PRKG1: variants seen among roughly 807,000 people sequenced by gnomAD.
PRKG1 encodes cGMP-dependent protein kinase 1.
In PRKG1, 35 loss-of-function variants were observed where a neutral mutation model predicts 88.1. The observed-to-expected ratio is 0.40, with a 90% CI of 0.30 to 0.53. The LOEUF (loss-of-function observed/expected upper bound fraction) is 0.53. Ranked by LOEUF, PRKG1 falls within the 20% of genes least tolerant of loss-of-function variation. The pLI, the probability that PRKG1 is intolerant of heterozygous loss-of-function variation, is 0.59. For synonymous variants in PRKG1, 303 were observed against 292.5 expected (o/e 1.04, Z -0.37); for missense variants, 540 against 839.8 (o/e 0.64, Z 4.41).
At chr10:52,091,216 C>T (rs1453226893) in intron 7 of PRKG1, among the ~76,000 whole-genome samples, 3 of 152,126 alleles carry the variant, frequency 2.0e-5, no homozygotes, top group Non-Finnish European at 4.4e-5. Flanking sequence ...TTGAGGCCCC[C>T]CTTTTCTTGT....
intron 7 of PRKG1, 48 bp from the exon 8 acceptor site, chr10:52,133,792 T>G (rs377211717): frequency 3.4e-6 from 5 of 1,491,684 alleles, no homozygotes; most frequent in Non-Finnish European, 4.7e-6. Context: ...GACACTGTGC[T>G]TTGATATTAA....
intron 7 of PRKG1, among the ~76,000 whole-genome samples, chr10:52,123,338 A>T (rs1046821681): frequency 6.6e-6 from 1 of 152,166 alleles, no homozygotes; most frequent in Non-Finnish European, 1.5e-5. Flanking sequence ...GACCAGGAAG[A>T]ATAAACCTTG....
intron 3 of PRKG1, among the ~76,000 whole-genome samples, chr10:51,553,118 T>C (rs1837183228): frequency 6.6e-6 from 1 of 151,686 alleles, no homozygotes. Flanking sequence ...CTGAACTTTG[T>C]TTAAAGTTGA....
intron 1 of PRKG1, among the ~76,000 whole-genome samples, chr10:51,060,881 C>T (rs1178036690): frequency 2.0e-5 from 3 of 152,010 alleles, no homozygotes; most frequent in African/African-American, 4.8e-5. Flanking sequence ...TAGAATTCTT[C>T]GTTGTCAGAT....
chr10:51,232,817 C>T (rs1407797653), intron 2 of PRKG1, among the ~76,000 whole-genome samples: 9 of 152,254 alleles, frequency 5.9e-5, no homozygotes, highest in Non-Finnish European at 8.8e-5. Flanking sequence ...TCAACCTGCC[C>T]CTACCTTGGC....
At chr10:51,793,967 T>C (rs962483515) in intron 3 of PRKG1, among the ~76,000 whole-genome samples, 3 of 152,106 alleles carry the variant, frequency 2.0e-5, no homozygotes, top group Admixed American at 2.0e-4. Context: ...TTTCACCATA[T>C]TGGCCAGGCT....
At chr10:52,019,026 A>G (rs1178410742) in intron 5 of PRKG1, among the ~76,000 whole-genome samples, 2 of 152,114 alleles carry the variant, frequency 1.3e-5, no homozygotes, top group African/African-American at 4.8e-5. Flanking sequence ...GCAAGATTGG[A>G]TATTGACATC....
At chr10:51,131,288 A>T (rs558893078) in intron 1 of PRKG1, among the ~76,000 whole-genome samples, 2 of 152,366 alleles carry the variant, frequency 1.3e-5, no homozygotes, top group Admixed American at 1.3e-4. Flanking sequence ...TAAATGAAAC[A>T]TCTTATTTTT....
At chr10:52,076,821 C>T in intron 7 of PRKG1, among the ~76,000 whole-genome samples, 1 of 151,980 alleles carries the variant, frequency 6.6e-6, no homozygotes. Context: ...GGCAAATAAG[C>T]AAGTGAAAAT....
In PRKG1 at chr10:51,372,930, T is replaced by A. The variant is rs148339836; in HGVS notation, c.479-94793T>A. 4.3e-3 allele frequency among the ~76,000 whole-genome samples: 661 copies of A among 152,288 alleles called. 1 individual carries two copies. Among genetic ancestry groups the A allele is most frequent in the Middle Eastern group, 0.021 (6 of 292 alleles). ...GTATGACTCATTGGATTTCTTTTGC[T>A]TATATTTTGTTTAGGATTTTTTAAC... On this transcript the variant is annotated intron_variant, in intron 2 of 17. Coordinates refer to ENST00000373980, the MANE Select transcript of PRKG1 (RefSeq NM_006258.4).
At chr10:52,240,850 TA>T (rs1840841908) in intron 9 of PRKG1, among the ~76,000 whole-genome samples, 1 of 152,220 alleles carries the variant, frequency 6.6e-6, no homozygotes, top group African/African-American at 2.4e-5. Context: ...TTTCCTGTGA[TA>T]CTTGTATACT....
intron 3 of PRKG1, among the ~76,000 whole-genome samples, chr10:51,492,586 AT>A (rs910007259): frequency 1.1e-4 from 17 of 152,180 alleles, no homozygotes; most frequent in Non-Finnish European, 1.9e-4. Context: ...TACTAATTTA[AT>A]TCCTTATTTA....
At chr10:51,101,050 A>C (rs1028488592) in intron 1 of PRKG1, among the ~76,000 whole-genome samples, 1 of 152,084 alleles carries the variant, frequency 6.6e-6, no homozygotes, top group Non-Finnish European at 1.5e-5. Context: ...GGCACTAAGG[A>C]AAGTTGGAAA....
intron 4 of PRKG1, among the ~76,000 whole-genome samples, chr10:51,874,941 C>T (rs1841256133): frequency 6.6e-6 from 1 of 152,094 alleles, no homozygotes. Flanking sequence ...CCAGACACTT[C>T]CTGGATTCTG....
chr10:51,025,140 G>C (rs1462330368), intron 1 of PRKG1, among the ~76,000 whole-genome samples: 1 of 152,110 alleles, frequency 6.6e-6, no homozygotes, highest in African/African-American at 2.4e-5. Flanking sequence ...ATGAAATCTT[G>C]TGCAGATAGT....
At chr10:51,913,135 G>T (rs1842258495) in intron 5 of PRKG1, among the ~76,000 whole-genome samples, 1 of 152,080 alleles carries the variant, frequency 6.6e-6, no homozygotes, top group Non-Finnish European at 1.5e-5. Flanking sequence ...TGCCATATTG[G>T]CCAGGCTGGT....
intron 2 of PRKG1, among the ~76,000 whole-genome samples, chr10:51,260,412 T>A (rs1839674579): frequency 6.6e-6 from 1 of 152,222 alleles, no homozygotes; most frequent in African/African-American, 2.4e-5. Flanking sequence ...AGATGATTAT[T>A]TTTTCATGTT....
At chr10:51,258,044 A>G (rs1839610262) in intron 2 of PRKG1, among the ~76,000 whole-genome samples, 2 of 152,130 alleles carry the variant, frequency 1.3e-5, no homozygotes, top group South Asian at 4.1e-4. Flanking sequence ...GAAGGTGGGG[A>G]CAGTGAAGGG....
At chr10:52,127,257 G>A (rs1335172662) in intron 7 of PRKG1, among the ~76,000 whole-genome samples, 1 of 152,186 alleles carries the variant, frequency 6.6e-6, no homozygotes, top group Non-Finnish European at 1.5e-5. Flanking sequence ...CATTTACCAT[G>A]ATAGGGAACC....
Sources: gnomAD v4.1 joint callset for allele counts (sites outside exome capture counted in the v4.1 genomes callset) on GRCh38, gnomAD v4.1.1 for gene constraint, MANE v1.5 for transcripts, NCBI Gene and HGNC (gene_info 2026-07-23, HGNC 2026-07-21) for gene names.